Variants in PIEZO2 observed in about 807,000 individuals in gnomAD.
PIEZO2 encodes piezo-type mechanosensitive ion channel component 2.
In PIEZO2, 172 loss-of-function variants were observed where a neutral mutation model predicts 337.3. The ratio of observed to expected loss-of-function variants is 0.51; its 90% confidence interval spans 0.45 to 0.58. PIEZO2 has a LOEUF of 0.58. Among genes scored for constraint, PIEZO2 ranks in the 20% least tolerant of loss-of-function variants. The probability of loss-of-function intolerance (pLI) is 0.00; values close to 1 mark genes in which losing one functional copy is unlikely to be tolerated. For synonymous variants in PIEZO2, 1,251 were observed against 1,228.5 expected (o/e 1.02, Z -0.38); for missense variants, 3,028 against 3,391.3 (o/e 0.89, Z 2.66).
In PIEZO2 at chr18:10,723,062, G is replaced by A. The variant is rs1598401294; in HGVS notation, c.5030-4803C>T. Among the ~76,000 whole-genome samples, 6 of 149,066 alleles carry A rather than the reference G, an allele frequency of 4.0e-5. No homozygotes were observed. The Admixed American group carries it at 4.1e-4, about 10-fold the overall frequency. ...GGCTCACCACAACCTCTGCCTTCCG[G>A]ATTCAAGCGATTCTCCTACCTCAGC... On this transcript the variant is annotated intron_variant, in intron 36 of 55. Coordinates refer to ENST00000674853, the MANE Select transcript of PIEZO2 (RefSeq NM_001378183.1).
intron 3 of PIEZO2, among the ~76,000 whole-genome samples, chr18:10,913,778 CA>C (rs2030685663): frequency 6.6e-6 from 1 of 152,022 alleles, no homozygotes; most frequent in Non-Finnish European, 1.5e-5. Flanking sequence ...GCCACTCAAC[CA>C]GGCACAACAG....
chr18:10,806,440 C>A (rs2040005565), intron 8 of PIEZO2, among the ~76,000 whole-genome samples: 1 of 152,156 alleles, frequency 6.6e-6, no homozygotes, highest in South Asian at 2.1e-4. Flanking sequence ...CAGTCCTCCC[C>A]TCAGAAATGC....
chr18:10,981,161 T>C (rs1295956353), intron 2 of PIEZO2, among the ~76,000 whole-genome samples: 1 of 152,042 alleles, frequency 6.6e-6, no homozygotes, highest in East Asian at 1.9e-4. Context: ...TGTGTATATA[T>C]TATATATTAA....
In PIEZO2 at chr18:10,748,504, G is replaced by A. The variant is rs2037514562; in HGVS notation, c.4391C>T (p.Ala1464Val). ...FMSYYFLHVVADIKASQILAS... is the reference protein window; with the variant it reads ...FMSYYFLHVVVDIKASQILAS... The stretch of plus-strand genomic sequence containing the variant: ...CAGAATCTGGGAAGCTTTTATATCA[G>A]CCACAACATGTAGAAAATAATAACT... The change falls in exon 30 of 56, where the codon GCT (alanine) becomes GTT (valine). Residue 1464 changes from alanine (A) to valine (V), a missense_variant. Coordinates refer to ENST00000674853, the MANE Select transcript of PIEZO2 (RefSeq NM_001378183.1). This position sits in a 1 kb window ranked among gnomAD's most constrained non-coding sequence, Gnocchi z 5.1. The A allele has an allele frequency of 2.0e-6, 3 of 1,536,930 alleles. No homozygotes were observed. Among genetic ancestry groups the A allele is most frequent in the Non-Finnish European group, 1.7e-6 (2 of 1,146,856 alleles).
At chr18:11,134,923 A>T (rs2040439166) in intron 1 of PIEZO2, among the ~76,000 whole-genome samples, 1 of 152,170 alleles carries the variant, frequency 6.6e-6, no homozygotes, top group Non-Finnish European at 1.5e-5. Context: ...GTGCCCAAGG[A>T]GGATCAGCAC....
rs1236389229 is a variant in PIEZO2, at chr18:10,682,328, G to T, written c.7498-36C>A. The T allele has an allele frequency of 6.7e-7, 1 of 1,503,410 alleles. No individual in the cohort carries two copies. The highest frequency in any genetic ancestry group is 1.4e-5 in the African/African-American group (1 of 72,324). 93.1% of individuals were successfully genotyped at this position (1,503,410 alleles called of 1,614,324 possible). On this transcript the variant is annotated intron_variant, in intron 49 of 55. Transcript: ENST00000674853. This position sits in a 1 kb window ranked among gnomAD's most constrained non-coding sequence, Gnocchi z 5.6. ...GAGTTCAGACAAGGCTCAGGCTCAG[G>T]CTCAGGTGCTTTCCCGCAGGCAGCG...
At chr18:10,675,183 C>G (rs570203015) in intron 54 of PIEZO2, 26 bp downstream of exon 54, 2 of 1,467,444 alleles carry the variant, frequency 1.4e-6, no homozygotes, top group East Asian at 4.6e-5. Context: ...GAAAACAATT[C>G]TGAAACAAAT....
intron 38 of PIEZO2, 80 bp from the exon 39 acceptor site, chr18:10,715,010 G>A (rs2035956827): frequency 7.2e-7 from 1 of 1,384,232 alleles, no homozygotes. Flanking sequence ...AACACAGACA[G>A]CTTTTCATAC....
Position 10,834,596 on chromosome 18 carries a change from T to G in PIEZO2, c.917+20757A>C, listed in dbSNP as rs2040948787. Among the ~76,000 whole-genome samples the G allele has an allele frequency of 6.6e-6, 1 of 152,178 alleles. No homozygotes were observed. The highest frequency in any genetic ancestry group is 1.5e-5 in the Non-Finnish European group (1 of 68,030). On this transcript the variant is annotated intron_variant, in intron 7 of 55. Transcript: ENST00000674853. This position sits in a 1 kb window ranked among gnomAD's most constrained non-coding sequence, Gnocchi z 4.5. ...TGTCAGGCACTTGACACCCACAGCC[T>G]GTTTTAACACCTCTCTGATTTCATG...
chr18:10,678,666 T>G (rs2034122272), intron 52 of PIEZO2, among the ~76,000 whole-genome samples: 2 of 152,216 alleles, frequency 1.3e-5, no homozygotes, highest in Non-Finnish European at 2.9e-5. Context: ...CAAAACTGCA[T>G]CACTAAACTG....
chr18:10,710,547 T>C (rs552461564), intron 39 of PIEZO2, among the ~76,000 whole-genome samples: 1 of 152,254 alleles, frequency 6.6e-6, no homozygotes, highest in African/African-American at 2.4e-5. Context: ...CCATTTTACA[T>C]CTGGATTTGA....
chr18:10,865,678 TG>T (rs2041987134), intron 5 of PIEZO2, among the ~76,000 whole-genome samples: 1 of 152,184 alleles, frequency 6.6e-6, no homozygotes, highest in Non-Finnish European at 1.5e-5. Flanking sequence ...CAAAGCAATA[TG>T]GGGAACCTAT....
At chr18:10,782,381 T>G (rs1236169729) in intron 17 of PIEZO2, among the ~76,000 whole-genome samples, 1 of 98,008 alleles carries the variant, frequency 1.0e-5, no homozygotes, top group African/African-American at 4.2e-5. Context: ...TTATAATATA[T>G]TATAATTATA....
At chr18:10,964,004 C>A (rs1568245435) in intron 3 of PIEZO2, among the ~76,000 whole-genome samples, 1 of 152,080 alleles carries the variant, frequency 6.6e-6, no homozygotes. Flanking sequence ...CCCAAGAAAC[C>A]ACCTTCCTGC....
intron 2 of PIEZO2, among the ~76,000 whole-genome samples, chr18:11,050,126 C>T (rs1478240327): frequency 1.3e-5 from 2 of 152,038 alleles, no homozygotes; most frequent in Non-Finnish European, 2.9e-5. Context: ...ACTAAAATAA[C>T]CTAAAAGACC....
intron 4 of PIEZO2, among the ~76,000 whole-genome samples, chr18:10,906,449 T>A (rs1241180753): frequency 6.6e-6 from 1 of 152,222 alleles, no homozygotes; most frequent in Non-Finnish European, 1.5e-5. Context: ...CAAATTAATA[T>A]ACTCAAGCCT....
At chr18:10,810,765 C>T (rs1166574886) in intron 7 of PIEZO2, among the ~76,000 whole-genome samples, 1 of 152,098 alleles carries the variant, frequency 6.6e-6, no homozygotes, top group South Asian at 2.1e-4. Context: ...ACCAGGTGAG[C>T]TTTACCCACT....
Position 11,126,486 on chromosome 18 carries a change from T to A in PIEZO2, c.64+22039A>T, listed in dbSNP as rs899493478. On this transcript the variant is annotated intron_variant, in intron 1 of 55. Transcript: ENST00000674853. This position sits in a 1 kb window ranked among gnomAD's most constrained non-coding sequence, Gnocchi z 4.6. Reference sequence around the variant, plus strand: ...CCCACCTTTAGTGCCAGTTTCTTGGTCATCTCCCGCCATCATTCAAAATAC... The same window carrying A: ...CCCACCTTTAGTGCCAGTTTCTTGGACATCTCCCGCCATCATTCAAAATAC... Among the ~76,000 whole-genome samples, 1 of 152,140 alleles carries A rather than the reference T, an allele frequency of 6.6e-6. No homozygotes were observed. Among genetic ancestry groups the A allele is most frequent in the Non-Finnish European group, 1.5e-5 (1 of 68,028 alleles).
chr18:10,854,092 T>C lies in PIEZO2; in HGVS notation c.917+1261A>G, dbSNP rs977048096. On this transcript the variant is annotated intron_variant, in intron 7 of 55. Coordinates refer to ENST00000674853, the MANE Select transcript of PIEZO2 (RefSeq NM_001378183.1). This position sits in a 1 kb window ranked among gnomAD's most constrained non-coding sequence, Gnocchi z 4.6. Reference sequence around the variant, plus strand: ...GATTTTTTTTTTAAAGACCCATTCATTTGCCTTGCAGAATCCACATTTTGA... The same window carrying C: ...GATTTTTTTTTTAAAGACCCATTCACTTGCCTTGCAGAATCCACATTTTGA... 6.6e-6 allele frequency among the ~76,000 whole-genome samples: 1 copy of C among 152,190 alleles called. No homozygotes were observed. The highest frequency in any genetic ancestry group is 1.5e-5 in the Non-Finnish European group (1 of 68,030).
Sources: gnomAD v4.1 joint callset for allele counts (sites outside exome capture counted in the v4.1 genomes callset) on GRCh38, gnomAD v4.1.1 for gene constraint, Gnocchi (gnomAD v3.1) non-coding constraint, MANE v1.5 for transcripts, NCBI Gene and HGNC (gene_info 2026-07-23, HGNC 2026-07-21) for gene names.